ZNF804B: variants seen among roughly 807,000 people sequenced by gnomAD.
ZNF804B encodes zinc finger protein 804B, also known as zinc finger 804B.
Under a neutral mutation model 101.4 loss-of-function variants are expected in ZNF804B, and 80 were observed. That is an observed-to-expected ratio of 0.79 (90% CI 0.66 to 0.95). The LOEUF (loss-of-function observed/expected upper bound fraction) is 0.95. Among genes scored for constraint, ZNF804B ranks in the 40% least tolerant of loss-of-function variants. ZNF804B has a pLI of 0.00. For synonymous variants in ZNF804B, 622 were observed against 558.8 expected (o/e 1.11, Z -1.59); for missense variants, 1,673 against 1,561.9 (o/e 1.07, Z -1.20).
At chr7:88,941,800 C>A (rs1793058980) in intron 1 of ZNF804B, among the ~76,000 whole-genome samples, 1 of 151,752 alleles carries the variant, frequency 6.6e-6, no homozygotes, top group African/African-American at 2.4e-5. Flanking sequence ...TGTTCTTGGT[C>A]CTTTGGCTAG....
At chr7:89,309,318 C>T (rs111285251) in intron 2 of ZNF804B, among the ~76,000 whole-genome samples, 6,891 of 152,098 alleles carry the variant, frequency 0.045, 217 homozygotes, top group Non-Finnish European at 0.067. Flanking sequence ...CTGCAAAGGG[C>T]GTGATTTCAT....
intron 1 of ZNF804B, among the ~76,000 whole-genome samples, chr7:88,939,501 T>G (rs991070699): frequency 6.6e-6 from 1 of 151,772 alleles, no homozygotes; most frequent in African/African-American, 2.4e-5. Flanking sequence ...AAAAGAGGAA[T>G]AAAGAAACCA....
At chr7:89,244,337 G>A (rs1470424560) in intron 2 of ZNF804B, among the ~76,000 whole-genome samples, 1 of 152,020 alleles carries the variant, frequency 6.6e-6, no homozygotes. Context: ...CTTACTACAT[G>A]TGAAGCACTT....
chr7:88,801,261 C>G (rs1790576902), intron 1 of ZNF804B, among the ~76,000 whole-genome samples: 2 of 151,412 alleles, frequency 1.3e-5, no homozygotes, highest in Non-Finnish European at 2.9e-5. Flanking sequence ...TAAATGTAGC[C>G]TGGAGCAGAA....
At chr7:89,058,151 G>A (rs977155133) in intron 1 of ZNF804B, among the ~76,000 whole-genome samples, 1 of 152,066 alleles carries the variant, frequency 6.6e-6, no homozygotes, top group African/African-American at 2.4e-5. Flanking sequence ...CTGTTAGTAA[G>A]ATGTTTTCCC....
chr7:89,078,746 G>T lies in ZNF804B; in HGVS notation c.109-139409G>T, dbSNP rs536604484. ...CAGTATTATTTTCTCCTCTGTAAGG[G>T]ATTAAAATAACAATTTAAGAAGAAG... On this transcript the variant is annotated intron_variant, in intron 1 of 3. Coordinates refer to ENST00000333190, the MANE Select transcript of ZNF804B (RefSeq NM_181646.5). Among the ~76,000 whole-genome samples the T allele has an allele frequency of 9.2e-5, 14 of 151,692 alleles. No individual in the cohort carries two copies. The South Asian group carries it at 2.9e-3, about 31-fold the overall frequency.
chr7:89,066,761 T>C (rs1312784139), intron 1 of ZNF804B, among the ~76,000 whole-genome samples: 1 of 152,056 alleles, frequency 6.6e-6, no homozygotes, highest in Non-Finnish European at 1.5e-5. Flanking sequence ...TTATTTGTTT[T>C]GTTTTGTTTT....
chr7:88,817,807 G>A (rs902671311), intron 1 of ZNF804B, among the ~76,000 whole-genome samples: 5 of 152,096 alleles, frequency 3.3e-5, no homozygotes, highest in African/African-American at 1.2e-4. Flanking sequence ...CATTTATCCT[G>A]TATCTTACAA....
At chr7:89,227,484 G>C (rs527490680) in intron 2 of ZNF804B, among the ~76,000 whole-genome samples, 3 of 152,220 alleles carry the variant, frequency 2.0e-5, no homozygotes, top group African/African-American at 7.2e-5. Flanking sequence ...ACATTATAGA[G>C]AGTGTATAAA....
At chr7:88,764,020 A>C (rs1789942077) in intron 1 of ZNF804B, among the ~76,000 whole-genome samples, 1 of 152,184 alleles carries the variant, frequency 6.6e-6, no homozygotes, top group Non-Finnish European at 1.5e-5. Flanking sequence ...CTATAGATTA[A>C]TTCAGTGTTC....
intron 1 of ZNF804B, among the ~76,000 whole-genome samples, chr7:88,962,879 G>C (rs1037334419): frequency 5.3e-5 from 8 of 150,166 alleles, no homozygotes; most frequent in Non-Finnish European, 1.5e-5. Context: ...ATGAAGGTAT[G>C]CACTCAGTAG....
chr7:88,922,572 G>A (rs1373796546), intron 1 of ZNF804B, among the ~76,000 whole-genome samples: 1 of 151,534 alleles, frequency 6.6e-6, no homozygotes, highest in East Asian at 1.9e-4. Flanking sequence ...TACAAAATGG[G>A]ACTTATTTTA....
intron 1 of ZNF804B, among the ~76,000 whole-genome samples, chr7:88,935,083 G>A (rs748945115): frequency 1.3e-4 from 19 of 151,102 alleles, no homozygotes; most frequent in Non-Finnish European, 2.2e-4. Flanking sequence ...ACATACCATG[G>A]AATACTATTC....
At chr7:89,049,938 C>T (rs370382321) in intron 1 of ZNF804B, among the ~76,000 whole-genome samples, 4 of 152,102 alleles carry the variant, frequency 2.6e-5, no homozygotes, top group South Asian at 2.1e-4. Flanking sequence ...CTTGAACCCA[C>T]GAGGTGGAGG....
chr7:88,840,311 T>C (rs796868129), intron 1 of ZNF804B, among the ~76,000 whole-genome samples: 3 of 152,212 alleles, frequency 2.0e-5, no homozygotes, highest in Admixed American at 6.5e-5. Context: ...ATTTGCTTGA[T>C]TGGCAGCTTA....
chr7:88,998,259 A>C (rs1330144065), intron 1 of ZNF804B, among the ~76,000 whole-genome samples: 1 of 151,974 alleles, frequency 6.6e-6, no homozygotes, highest in Admixed American at 6.6e-5. Flanking sequence ...TCACTTCTTA[A>C]CCACAACGCT....
chr7:89,007,496 TATA>T (rs1788384675), intron 1 of ZNF804B, among the ~76,000 whole-genome samples: 2 of 30,446 alleles, frequency 6.6e-5, no homozygotes, highest in Non-Finnish European at 1.0e-4. Context: ...GTCAACCTAA[TATA>T]ATACATATAA....
At chr7:88,881,078 G>T (rs913042098) in intron 1 of ZNF804B, among the ~76,000 whole-genome samples, 1 of 151,888 alleles carries the variant, frequency 6.6e-6, no homozygotes, top group Non-Finnish European at 1.5e-5. Context: ...AAGATAAAAT[G>T]AATAATATGT....
intron 1 of ZNF804B, among the ~76,000 whole-genome samples, chr7:88,986,806 A>T (rs1793765082): frequency 6.6e-6 from 1 of 152,092 alleles, no homozygotes; most frequent in Non-Finnish European, 1.5e-5. Context: ...TTGGGACCTC[A>T]TCCCAGGCCT....
Sources: allele counts gnomAD v4.1 joint callset (sites outside exome capture counted in the v4.1 genomes callset), GRCh38; gene constraint gnomAD v4.1.1; transcripts MANE v1.5; gene names NCBI Gene and HGNC (gene_info 2026-07-23, HGNC 2026-07-21).